The following SULT6B1 variants were observed in gnomAD, a reference collection of about 807,000 sequenced individuals.
The protein encoded by SULT6B1 is sulfotransferase 6B1.
In SULT6B1, 44 loss-of-function variants were observed where a neutral mutation model predicts 37.2. The ratio of observed to expected loss-of-function variants is 1.18; its 90% confidence interval spans 0.93 to 1.52. The LOEUF is 1.52. SULT6B1 is among the 40% of genes most tolerant of loss of function. The pLI is 0.00. For synonymous variants in SULT6B1, 140 were observed against 126.0 expected, an observed-to-expected ratio of 1.11 and a Z score of -0.74; for missense variants, 450 against 361.0, an observed-to-expected ratio of 1.25 and a Z score of -2.00.
chr2:37,168,584 T>G (rs973523280), intron 6 of SULT6B1, among the ~76,000 whole-genome samples: 1 of 152,218 alleles, frequency 6.6e-6, no homozygotes, highest in East Asian at 1.9e-4. Context: ...GCCATCAGCC[T>G]CAGTGATACC....
At chr2:37,180,029 C>T (rs1007049089) in intron 3 of SULT6B1, among the ~76,000 whole-genome samples, 1 of 152,230 alleles carries the variant, frequency 6.6e-6, no homozygotes, top group African/African-American at 2.4e-5. Context: ...TGGGTGAGTA[C>T]ATGACACAGA....
chr2:37,167,839 AATT>A lies in SULT6B1; in HGVS notation c.*93_*95del, dbSNP rs1450296110. ...TATTATTTAGATTTCAATATTGTTT[AATT>A]ATTATTTGATTATTTGATTGAATTA... is the stretch of plus-strand genomic sequence containing the variant. On this transcript the variant is annotated 3_prime_UTR_variant, in exon 7 of 7. Coordinates refer to ENST00000535679, the MANE Select transcript of SULT6B1 (RefSeq NM_001367551.1). The A allele has an allele frequency of 5.6e-5, 59 of 1,055,576 alleles. No individual in the cohort carries two copies. The highest frequency in any genetic ancestry group is 7.3e-5 in the African/African-American group (3 of 41,106). 65.4% of individuals were successfully genotyped at this position (1,055,576 alleles called of 1,614,324 possible).
chr2:37,187,814 T>G (rs948422547), intron 1 of SULT6B1, among the ~76,000 whole-genome samples: 4 of 152,182 alleles, frequency 2.6e-5, no homozygotes, highest in Non-Finnish European at 4.4e-5. Context: ...TAATATGTAT[T>G]TTCTACAGGA....
At chr2:37,179,297 G>T (rs536707274) in intron 4 of SULT6B1, among the ~76,000 whole-genome samples, 161 bp downstream of exon 4, 70 of 152,320 alleles carry the variant, frequency 4.6e-4, no homozygotes, top group African/African-American at 1.7e-3. Context: ...TTAATTGTTG[G>T]ATGCACAGAA....
In SULT6B1 at chr2:37,170,682, G is replaced by A. The variant is rs1347944221; in HGVS notation, c.781+752C>T. On this transcript the variant is annotated intron_variant, in intron 6 of 6. Transcript: ENST00000535679. ...GAACCCAGGAAGCAGAGGTTGCAGT[G>A]AGCCAAGATTGTGCCACTGCATTCC... 2.8e-5 allele frequency among the ~76,000 whole-genome samples: 4 copies of A among 144,482 alleles called. No homozygotes were observed. In the Admixed American group the frequency reaches 2.8e-4, roughly 10 times the overall value. 94.8% of individuals were successfully genotyped at this position (144,482 alleles called of 152,430 possible).
chr2:37,173,574 C>T (rs866313947), intron 5 of SULT6B1, among the ~76,000 whole-genome samples: 3 of 152,124 alleles, frequency 2.0e-5, no homozygotes, highest in Non-Finnish European at 2.9e-5. Flanking sequence ...CTGATCTCCC[C>T]GACAGTTCTT....
At chr2:37,186,251 G>T (rs1400299165) in intron 2 of SULT6B1, among the ~76,000 whole-genome samples, 2 of 152,176 alleles carry the variant, frequency 1.3e-5, no homozygotes, top group East Asian at 1.9e-4. Flanking sequence ...ACTGCTGAAA[G>T]TTTTACTGAG....
chr2:37,168,286 C>T (rs1017134265), intron 6 of SULT6B1, among the ~76,000 whole-genome samples: 1 of 152,014 alleles, frequency 6.6e-6, no homozygotes, highest in African/African-American at 2.4e-5. Flanking sequence ...CTTAGCCTAC[C>T]GAGTAGCTGG....
At chr2:37,172,322 A>G (rs1676322090) in intron 5 of SULT6B1, among the ~76,000 whole-genome samples, 1 of 152,300 alleles carries the variant, frequency 6.6e-6, no homozygotes, top group East Asian at 1.9e-4. Context: ...AGCAGGCTAT[A>G]GAATACAGCA....
intron 2 of SULT6B1, among the ~76,000 whole-genome samples, chr2:37,184,538 T>C (rs1171720396): frequency 6.6e-6 from 1 of 152,246 alleles, no homozygotes; most frequent in Non-Finnish European, 1.5e-5. Context: ...TAGCGGTCAC[T>C]TACTGCTTGG....
chr2:37,179,586 T>A lies in SULT6B1; in HGVS notation c.403-2A>T. The A allele has an allele frequency of 6.2e-7, 1 of 1,607,614 alleles. No homozygotes were observed. The highest frequency in any genetic ancestry group is 8.5e-7 in the Non-Finnish European group (1 of 1,178,822). On this transcript the variant is annotated splice_acceptor_variant, in intron 3 of 6. Coordinates refer to ENST00000535679, the MANE Select transcript of SULT6B1 (RefSeq NM_001367551.1). LOFTEE classifies it high-confidence loss of function. The stretch of plus-strand genomic sequence containing the variant: ...AGGGTTTCGAAATATCACCAATATC[T>A]AGGGAGCAAAAATTGAGTTAATTTA...
chr2:37,189,093 G>A (rs1676732953), upstream of SULT6B1, among the ~76,000 whole-genome samples: 2 of 152,102 alleles, frequency 1.3e-5, no homozygotes, highest in Admixed American at 1.3e-4. Context: ...TTGGTGGGGT[G>A]GAAAAGAGAC....
intron 2 of SULT6B1, among the ~76,000 whole-genome samples, chr2:37,184,647 A>G (rs57596680): frequency 0.027 from 4,091 of 152,300 alleles, 163 homozygotes; most frequent in African/African-American, 0.093. Context: ...CCTGCCCAAT[A>G]TGGGGAAACC....
At chr2:37,170,881 GC>G (rs1676281827) in intron 6 of SULT6B1, among the ~76,000 whole-genome samples, 1 of 152,088 alleles carries the variant, frequency 6.6e-6, no homozygotes, top group Non-Finnish European at 1.5e-5. Flanking sequence ...AGCTTCAGCT[GC>G]TATCTTGTTT....
intron 3 of SULT6B1, among the ~76,000 whole-genome samples, chr2:37,180,844 A>G (rs1288986081): frequency 6.6e-6 from 1 of 152,158 alleles, no homozygotes; most frequent in South Asian, 2.1e-4. Context: ...AGATTGTGCC[A>G]TTTCACTGCA....
At position 37,188,623 on chromosome 2, in the gene SULT6B1, T is replaced by TCCAAATTTA; in HGVS notation, c.17_18insTAAATTTGG (p.Lys6delinsAsnLysPheGly). The TCCAAATTTA allele has an allele frequency of 1.4e-6, 2 of 1,382,060 alleles. No individual in the cohort carries two copies. The highest frequency in any genetic ancestry group is 2.1e-6 in the Non-Finnish European group (2 of 975,016). 85.6% of individuals were successfully genotyped at this position (1,382,060 alleles called of 1,614,324 possible). On this transcript the variant is annotated protein_altering_variant, in exon 1 of 7. Coordinates refer to ENST00000535679, the MANE Select transcript of SULT6B1 (RefSeq NM_001367551.1). ...AAGCTTCGTCAATGTATTCAATAAA[T>TCCAAATTTA]TTGGATTTATCAGCCATGGTGGCTC...
At chr2:37,168,923 C>T (rs906273014) in intron 6 of SULT6B1, among the ~76,000 whole-genome samples, 1 of 151,952 alleles carries the variant, frequency 6.6e-6, no homozygotes, top group African/African-American at 2.4e-5. Flanking sequence ...CATGAAGAAA[C>T]GCTTACAATA....
intron 5 of SULT6B1, among the ~76,000 whole-genome samples, chr2:37,173,575 G>A (rs953371337): frequency 8.5e-5 from 13 of 152,096 alleles, no homozygotes; most frequent in African/African-American, 2.7e-4. Context: ...TGATCTCCCC[G>A]ACAGTTCTTC....
upstream of SULT6B1, among the ~76,000 whole-genome samples, chr2:37,192,428 AT>A (rs1199597512): frequency 6.6e-6 from 1 of 152,148 alleles, no homozygotes; most frequent in Non-Finnish European, 1.5e-5. Flanking sequence ...GTGAATATTT[AT>A]TTTTTAAAGA....
Sources: allele counts gnomAD v4.1 joint callset (sites outside exome capture counted in the v4.1 genomes callset), GRCh38; gene constraint gnomAD v4.1.1; transcripts MANE v1.5; gene names NCBI Gene and HGNC (gene_info 2026-07-23, HGNC 2026-07-21).